NCAM2: variants seen among roughly 807,000 people sequenced by gnomAD.
NCAM2 encodes the protein N-CAM-2.
A neutral mutation model predicts 98.1 loss-of-function variants in NCAM2; 30 were observed. The ratio of observed to expected loss-of-function variants is 0.31; its 90% CI spans 0.23 to 0.41. NCAM2 has a LOEUF of 0.41. Ranked by LOEUF, NCAM2 falls within the 10% of genes least tolerant of loss-of-function variation. The probability of loss-of-function intolerance (pLI) is 1.00; values close to 1 mark genes in which losing one functional copy is unlikely to be tolerated. For synonymous variants in NCAM2, 368 were observed against 342.4 expected, an observed-to-expected ratio of 1.07 and a Z score of -0.83; for missense variants, 867 against 1,005.8, an observed-to-expected ratio of 0.86 and a Z score of 1.87.
At chr21:21,306,862 CCT>C (rs1449551255) in intron 5 of NCAM2, among the ~76,000 whole-genome samples, 6 of 151,892 alleles carry the variant, frequency 4.0e-5, no homozygotes, top group Non-Finnish European at 1.5e-5. Context: ...ATTCCCAGCC[CCT>C]GTTAATTATC....
At chr21:21,425,012 G>A (rs1057338012) in intron 11 of NCAM2, among the ~76,000 whole-genome samples, 1 of 134,152 alleles carries the variant, frequency 7.5e-6, no homozygotes, top group Non-Finnish European at 1.5e-5. Context: ...CTCTAGCCTG[G>A]GCGACAAAAG....
intron 15 of NCAM2, among the ~76,000 whole-genome samples, chr21:21,502,166 TTAGAC>T (rs1987679090): frequency 6.6e-6 from 1 of 151,928 alleles, no homozygotes; most frequent in Non-Finnish European, 1.5e-5. Context: ...TAGTGAAACT[TTAGAC>T]TATACTCATG....
chr21:21,278,079 G>GT (rs1470087171), intron 1 of NCAM2, among the ~76,000 whole-genome samples: 1 of 151,992 alleles, frequency 6.6e-6, no homozygotes, highest in Non-Finnish European at 1.5e-5. Flanking sequence ...AGAAAGTACA[G>GT]TTTTAGGGGA....
chr21:21,427,406 A>G (rs1311026719), intron 11 of NCAM2, among the ~76,000 whole-genome samples: 4 of 152,236 alleles, frequency 2.6e-5, no homozygotes, highest in Non-Finnish European at 5.9e-5. Context: ...ATAGAGTTCC[A>G]TTATCAGTTA....
At chr21:21,534,727 T>G in intron 17 of NCAM2, 71 bp downstream of exon 17, 1 of 1,226,686 alleles carries the variant, frequency 8.2e-7, no homozygotes, top group Non-Finnish European at 1.1e-6. Context: ...ATTATTGTTG[T>G]ATTACATATT....
intron 1 of NCAM2, among the ~76,000 whole-genome samples, chr21:21,266,652 A>G (rs569902925): frequency 6.6e-6 from 1 of 151,880 alleles, no homozygotes; most frequent in Admixed American, 6.6e-5. Flanking sequence ...GTTCTCACTC[A>G]TAGGTGGGAA....
chr21:21,140,105 T>C (rs2067136006), intron 1 of NCAM2, among the ~76,000 whole-genome samples: 1 of 152,174 alleles, frequency 6.6e-6, no homozygotes, highest in Admixed American at 6.5e-5. Flanking sequence ...AGTTTTCAGG[T>C]TACTCTTTAG....
intron 5 of NCAM2, among the ~76,000 whole-genome samples, chr21:21,293,906 T>C (rs566256941): frequency 1.3e-5 from 2 of 151,580 alleles, no homozygotes; most frequent in South Asian, 4.1e-4. Flanking sequence ...TCTTTAAAAT[T>C]GGTTAAGTTT....
At chr21:21,278,680 C>T (rs946533048) in intron 1 of NCAM2, among the ~76,000 whole-genome samples, 1 of 151,954 alleles carries the variant, frequency 6.6e-6, no homozygotes, top group East Asian at 1.9e-4. Flanking sequence ...TAGACCCTGC[C>T]CAAGTTTTCC....
At chr21:21,407,167 C>T (rs2826829) in intron 9 of NCAM2, among the ~76,000 whole-genome samples, 2 of 152,062 alleles carry the variant, frequency 1.3e-5, no homozygotes, top group East Asian at 3.9e-4. Context: ...TCATACCACA[C>T]TGGCCCAGTA....
intron 2 of NCAM2, 121 bp downstream of exon 2, chr21:21,280,773 T>TTTTTTG (rs1031043692): frequency 1.7e-5 from 11 of 635,658 alleles, no homozygotes; most frequent in East Asian, 1.3e-4. Context: ...TTACAGTTGG[T>TTTTTTG]TTTTTGTTTT....
chr21:21,047,594 T>C (rs933322217), intron 1 of NCAM2, among the ~76,000 whole-genome samples: 5 of 152,176 alleles, frequency 3.3e-5, no homozygotes, highest in Non-Finnish European at 7.4e-5. Context: ...AGAAAAATAT[T>C]TCTACAACTG....
chr21:21,223,208 G>A (rs1386188977), intron 1 of NCAM2: 1 of 151,994 alleles, frequency 6.6e-6, no homozygotes, highest in Non-Finnish European at 1.5e-5. Flanking sequence ...TTTCTTACAT[G>A]ATTTTTCATT....
At chr21:21,500,071 T>A (rs1357949979) in intron 15 of NCAM2, among the ~76,000 whole-genome samples, 1 of 152,178 alleles carries the variant, frequency 6.6e-6, no homozygotes, top group East Asian at 1.9e-4. Flanking sequence ...TACTCAGCTC[T>A]TCTCTAGATA....
chr21:21,016,006 T>A (rs1445961526), intron 1 of NCAM2, among the ~76,000 whole-genome samples: 1 of 152,028 alleles, frequency 6.6e-6, no homozygotes, highest in Non-Finnish European at 1.5e-5. Flanking sequence ...CAATGCCCAG[T>A]CGCCTGTATT....
intron 9 of NCAM2, among the ~76,000 whole-genome samples, chr21:21,395,931 A>T (rs906421861): frequency 3.3e-5 from 5 of 152,196 alleles, no homozygotes; most frequent in African/African-American, 1.2e-4. Context: ...CATGGGAAAA[A>T]TCCTCTAGAC....
intron 10 of NCAM2, among the ~76,000 whole-genome samples, chr21:21,418,053 G>A (rs1267407850): frequency 6.6e-6 from 1 of 151,850 alleles, no homozygotes; most frequent in Non-Finnish European, 1.5e-5. Context: ...CAAGCTTCCT[G>A]TTTTCAAGTT....
intron 5 of NCAM2, among the ~76,000 whole-genome samples, chr21:21,301,632 G>A (rs1453715369): frequency 7.4e-6 from 1 of 135,118 alleles, no homozygotes; most frequent in East Asian, 2.2e-4. Flanking sequence ...GAGAATATGC[G>A]GTGTTTGGTT....
intron 1 of NCAM2, among the ~76,000 whole-genome samples, chr21:21,178,886 A>G (rs111850336): frequency 3.3e-5 from 5 of 152,204 alleles, no homozygotes; most frequent in African/African-American, 1.2e-4. Context: ...TTGGCAGTTC[A>G]TCAGTATCAG....
Sources: allele counts gnomAD v4.1 joint callset (sites outside exome capture counted in the v4.1 genomes callset), GRCh38; gene constraint gnomAD v4.1.1; transcripts MANE v1.5; gene names NCBI Gene and HGNC (gene_info 2026-07-23, HGNC 2026-07-21).